The following GYG1 variants were observed in gnomAD, a reference collection of about 807,000 sequenced individuals.
The protein encoded by GYG1 is glycogenin-1.
A neutral mutation model predicts 41.9 loss-of-function variants in GYG1; 44 were observed. The ratio of observed to expected loss-of-function variants is 1.05; its 90% CI spans 0.83 to 1.35. The LOEUF is 1.35. GYG1 is among the 40% of genes most tolerant of loss of function. The pLI is 0.00. For missense variants in GYG1, 429 were observed against 418.9 expected (o/e 1.02, Z -0.21); for synonymous variants, 141 against 158.1 (o/e 0.89, Z 0.81).
chr3:149,030,479 C>CT lies in GYG1; in HGVS notation c.*3547dup, dbSNP rs1353636369. On this transcript the variant is annotated 3_prime_UTR_variant, in exon 8 of 8. Coordinates refer to ENST00000345003, the MANE Select transcript of GYG1 (RefSeq NM_004130.4). ...TGTCTGGGCAAAGAAGCAAGCTGTC[C>CT]TCCCTTTACCTTCATAGTGAGTTTG... is the stretch of plus-strand genomic sequence containing the variant. The CT allele has an allele frequency of 6.8e-6, 1 of 147,892 alleles. No individual in the cohort carries two copies. The highest frequency in any genetic ancestry group is 2.0e-4 in the East Asian group (1 of 4,934). 9.2% of individuals were successfully genotyped at this position (147,892 alleles called of 1,614,324 possible).
chr3:148,998,790 C>T (rs1712945704), intron 4 of GYG1, among the ~76,000 whole-genome samples: 1 of 152,164 alleles, frequency 6.6e-6, no homozygotes, highest in African/African-American at 2.4e-5. Context: ...GTTACCTTTG[C>T]ATAAAAGAGG....
intron 4 of GYG1, among the ~76,000 whole-genome samples, chr3:149,007,134 T>C (rs2107899909): frequency 6.6e-6 from 1 of 152,338 alleles, no homozygotes; most frequent in South Asian, 2.1e-4. Context: ...TTTGTTTTTT[T>C]GTTATAACTG....
intron 4 of GYG1, among the ~76,000 whole-genome samples, chr3:149,002,903 C>T (rs1180548143): frequency 6.6e-6 from 1 of 151,962 alleles, no homozygotes; most frequent in Non-Finnish European, 1.5e-5. Flanking sequence ...TGCCTGTAGT[C>T]CCAGCTTCTT....
chr3:148,996,782 T>A lies in GYG1; in HGVS notation c.359T>A (p.Leu120Ter). Reference protein sequence around the residue: ...NIDDLFDREELSAAPDPGWPD... With the variant: ...NIDDLFDREE ...GATGATCTTTTTGACAGAGAAGAAT[T>A]GTCAGCAGCACCAGACCCAGGGTGG... The change falls in exon 4 of 8, where the codon TTG becomes TAG. Residue 120 changes from leucine to a stop codon, truncating the protein, a stop_gained. Transcript: ENST00000345003. LOFTEE classifies it high-confidence loss of function. 1.2e-6 allele frequency: 2 copies of A among 1,613,928 alleles called. No individual in the cohort carries two copies. Among genetic ancestry groups the A allele is most frequent in the Non-Finnish European group, 1.7e-6 (2 of 1,179,782 alleles).
chr3:149,013,140 A>C (rs1289175519), intron 5 of GYG1, among the ~76,000 whole-genome samples: 2 of 152,166 alleles, frequency 1.3e-5, no homozygotes. Context: ...GGCGTGAGCC[A>C]CTGTGCCCAG....
At chr3:149,009,770 G>A (rs1394337111) in intron 5 of GYG1, among the ~76,000 whole-genome samples, 1 of 152,208 alleles carries the variant, frequency 6.6e-6, no homozygotes, top group African/African-American at 2.4e-5. Flanking sequence ...TGGCTGCTGA[G>A]CTTTGGTTTC....
chr3:149,028,809 C>T lies in GYG1; in HGVS notation c.*1876C>T, dbSNP rs1714793080. Among the ~76,000 whole-genome samples, 1 of 151,256 alleles carries T rather than the reference C, an allele frequency of 6.6e-6. No homozygotes were observed. The highest frequency in any genetic ancestry group is 2.1e-4 in the South Asian group (1 of 4,798). On this transcript the variant is annotated 3_prime_UTR_variant, in exon 8 of 8. Coordinates refer to ENST00000345003, the MANE Select transcript of GYG1 (RefSeq NM_004130.4). ...AGTCTCGGCTCACTGCAACCTCTGC[C>T]TCCTGGATTCAAGAGATTCTCCTAC... is the stretch of plus-strand genomic sequence containing the variant.
rs1714692628 is a variant in GYG1, at chr3:149,026,986, A to T, written c.*53A>T. ...CCACTTCACAAGCCTTGTTTCTGATACTTAGTATCTAGAGCTGGGTTGAGA... is the reference window on the plus strand; with the variant it reads ...CCACTTCACAAGCCTTGTTTCTGATTCTTAGTATCTAGAGCTGGGTTGAGA... On this transcript the variant is annotated 3_prime_UTR_variant, in exon 8 of 8. Coordinates refer to ENST00000345003, the MANE Select transcript of GYG1 (RefSeq NM_004130.4). 1 of 1,577,308 alleles carries T rather than the reference A, an allele frequency of 6.3e-7. No homozygotes were observed. The highest frequency in any genetic ancestry group is 1.7e-5 in the Admixed American group (1 of 59,970).
chr3:149,022,461 T>C (rs1284084710), intron 5 of GYG1, among the ~76,000 whole-genome samples: 3 of 151,106 alleles, frequency 2.0e-5, no homozygotes, highest in Non-Finnish European at 4.4e-5. Flanking sequence ...GATTATAGTT[T>C]TCTGATCTTT....
Position 148,996,771 on chromosome 3 carries a change from C to G in GYG1, c.348C>G (p.Asp116Glu), listed in dbSNP as rs978877121. 1.4e-4 allele frequency: 225 copies of G among 1,613,816 alleles called. 4 individuals carry two copies. In the South Asian group the frequency reaches 2.1e-3, roughly 15 times the overall value. ...LVLANIDDLFDREELSAAPDP... is the reference protein window; with the variant it reads ...LVLANIDDLFEREELSAAPDP... ...TAGCAAATATTGATGATCTTTTTGA[C>G]AGAGAAGAATTGTCAGCAGCACCAG... The change falls in exon 4 of 8, where the codon GAC becomes GAG. Residue 116 changes from aspartate to glutamate, a missense_variant. Coordinates refer to ENST00000345003, the MANE Select transcript of GYG1 (RefSeq NM_004130.4).
chr3:148,998,081 T>C (rs1712908371), intron 4 of GYG1, among the ~76,000 whole-genome samples: 1 of 152,216 alleles, frequency 6.6e-6, no homozygotes, highest in Non-Finnish European at 1.5e-5. Flanking sequence ...GTTTGTTAGA[T>C]TGCTGAGGTG....
At chr3:149,005,180 T>C (rs1466089928) in intron 4 of GYG1, among the ~76,000 whole-genome samples, 2 of 148,190 alleles carry the variant, frequency 1.3e-5, no homozygotes, top group Non-Finnish European at 3.0e-5. Context: ...TACACATATA[T>C]TTTTTTTTTG....
intron 6 of GYG1, among the ~76,000 whole-genome samples, chr3:149,025,213 A>G (rs1175544351): frequency 6.6e-6 from 1 of 152,230 alleles, no homozygotes; most frequent in Non-Finnish European, 1.5e-5. Flanking sequence ...CAGTTTTTCC[A>G]TGGACCAGTA....
intron 4 of GYG1, among the ~76,000 whole-genome samples, chr3:149,006,566 A>T (rs182589565): frequency 1.5e-4 from 23 of 152,292 alleles, no homozygotes; most frequent in Non-Finnish European, 2.9e-4. Flanking sequence ...CATCCAGGTT[A>T]TTGTATCTCT....
intron 1 of GYG1, among the ~76,000 whole-genome samples, chr3:148,993,543 A>G (rs1712610195): frequency 6.6e-6 from 1 of 152,166 alleles, no homozygotes. Context: ...CTCCACGTTG[A>G]GGAAACAGTT....
intron 1 of GYG1, among the ~76,000 whole-genome samples, chr3:148,993,601 C>T (rs1712615041): frequency 6.6e-6 from 1 of 152,064 alleles, no homozygotes; most frequent in African/African-American, 2.4e-5. Context: ...TATGATCACA[C>T]CACTCCACTC....
At position 148,994,137 on chromosome 3, in the gene GYG1, T is replaced by A; in HGVS notation, c.8-5T>A. The A allele has an allele frequency of 6.2e-7, 1 of 1,612,986 alleles. No individual in the cohort carries two copies. The highest frequency in any genetic ancestry group is 8.5e-7 in the Non-Finnish European group (1 of 1,179,038). ...AATGAGTGTTTTTTTTTTCTTTGTA[T>A]TAAGATCAGGCCTTTGTGACACTAA... is the stretch of plus-strand genomic sequence containing the variant. On this transcript the variant is annotated splice_region_variant and splice_polypyrimidine_tract_variant and intron_variant, in intron 1 of 7. Transcript: ENST00000345003.
chr3:149,026,346 T>C, intron 6 of GYG1, 106 bp from the exon 7 acceptor site: 1 of 792,042 alleles, frequency 1.3e-6, no homozygotes, highest in Non-Finnish European at 2.3e-6. Context: ...GGGTATCATT[T>C]TGTTTAAGTT....
chr3:149,009,095 G>T (rs1656950783), intron 4 of GYG1, 181 bp from the exon 5 acceptor site: 1 of 544,166 alleles, frequency 1.8e-6, no homozygotes, highest in African/African-American at 1.9e-5. Context: ...GGAGGCAGAG[G>T]TTGCAGTGAG....
Sources: allele counts gnomAD v4.1 joint callset (sites outside exome capture counted in the v4.1 genomes callset), GRCh38; gene constraint gnomAD v4.1.1; transcripts MANE v1.5; gene names NCBI Gene and HGNC (gene_info 2026-07-23, HGNC 2026-07-21).